Variants in RGS6 observed in about 807,000 individuals in gnomAD.
RGS6 encodes the protein regulator of G-protein signaling 6.
In RGS6, 30 loss-of-function variants were observed where a neutral mutation model predicts 78.5. The observed-to-expected ratio is 0.38, with a 90% CI of 0.29 to 0.52. RGS6 has a LOEUF of 0.52. Among genes scored for constraint, RGS6 ranks in the 20% least tolerant of loss-of-function variants. The pLI is 0.85. For synonymous variants in RGS6, 206 were observed against 206.0 expected (o/e 1.00, Z 0.00); for missense variants, 495 against 609.7 (o/e 0.81, Z 1.98).
rs553344201 is a variant in RGS6 at position 72,482,677 on chromosome 14, A to G, written c.854+4348A>G. 3.9e-5 allele frequency among the ~76,000 whole-genome samples: 6 copies of G among 152,322 alleles called. No homozygotes were observed. In the East Asian group the frequency reaches 1.2e-3, roughly 29 times the overall value. On this transcript the variant is annotated intron_variant, in intron 12 of 17. Transcript: ENST00000553525. ...TTAATATGGTCTCTCACCCTCCAGC[A>G]GACTAGTTTGACCTTTTCCACATGG...
At chr14:72,155,739 A>G (rs1423058454) in intron 2 of RGS6, among the ~76,000 whole-genome samples, 1 of 152,242 alleles carries the variant, frequency 6.6e-6, no homozygotes, top group Non-Finnish European at 1.5e-5. Context: ...ATGCCAAACA[A>G]TTGGCAATTT....
the RGS6 span, among the ~76,000 whole-genome samples, chr14:71,889,555 T>TC: frequency 4.6e-5 from 7 of 152,110 alleles, no homozygotes; most frequent in East Asian, 1.3e-3. Flanking sequence ...TAAGGACACT[T>TC]CACTGAGTGG....
At chr14:72,016,070 T>C (rs2086895608) in intron 2 of RGS6, among the ~76,000 whole-genome samples, 1 of 152,244 alleles carries the variant, frequency 6.6e-6, no homozygotes, top group Admixed American at 6.5e-5. Context: ...ATCATATTTA[T>C]CCATTTCTCC....
intron 13 of RGS6, among the ~76,000 whole-genome samples, chr14:72,503,040 T>G (rs2096749618): frequency 6.6e-6 from 1 of 152,164 alleles, no homozygotes; most frequent in African/African-American, 2.4e-5. Context: ...TTTTCACAGT[T>G]CTGGAGGCTG....
At chr14:72,191,613 G>A (rs2097326952) in intron 2 of RGS6, among the ~76,000 whole-genome samples, 2 of 152,202 alleles carry the variant, frequency 1.3e-5, no homozygotes, top group African/African-American at 4.8e-5. Context: ...CATGATCTGT[G>A]ACTTAGTCAC....
chr14:72,193,914 A>T (rs1433445456), intron 2 of RGS6, among the ~76,000 whole-genome samples: 1 of 152,176 alleles, frequency 6.6e-6, no homozygotes, highest in African/African-American at 2.4e-5. Flanking sequence ...GAGGGAGTTC[A>T]TGCTGCTCAT....
In RGS6 at chr14:72,148,104, C is replaced by T. The variant is rs535388065; in HGVS notation, c.84+183229C>T. On this transcript the variant is annotated intron_variant, in intron 2 of 17. Coordinates refer to ENST00000553525, the MANE Select transcript of RGS6 (RefSeq NM_001204424.2). ...CGAGATTGCACCACTGCACTCCAGCCTGGGTGACAGAGCAAGACTCCATCT... is the reference window on the plus strand; with the variant it reads ...CGAGATTGCACCACTGCACTCCAGCTTGGGTGACAGAGCAAGACTCCATCT... 1.8e-3 allele frequency among the ~76,000 whole-genome samples: 250 copies of T among 139,708 alleles called. 2 individuals are homozygous for T. Among genetic ancestry groups the T allele is most frequent in the Non-Finnish European group, 1.1e-3 (71 of 66,208 alleles). 91.7% of individuals were successfully genotyped at this position (139,708 alleles called of 152,430 possible).
chr14:72,449,526 CA>C (rs1352597323), intron 3 of RGS6, among the ~76,000 whole-genome samples: 1 of 152,180 alleles, frequency 6.6e-6, no homozygotes, highest in Non-Finnish European at 1.5e-5. Flanking sequence ...CACCTGAAGA[CA>C]AAGCCCTGAA....
Position 72,477,058 on chromosome 14 carries a change from A to C in RGS6, c.792+218A>C, listed in dbSNP as rs376449891. On this transcript the variant is annotated intron_variant, in intron 11 of 17. Coordinates refer to ENST00000553525, the MANE Select transcript of RGS6 (RefSeq NM_001204424.2). ...CCCAGTTCCTCCAGCAGTTACTAGA[A>C]AAGGGCGTAAATGAGTCATCCCATG... is the stretch of plus-strand genomic sequence containing the variant. 1,381 of 523,908 alleles carry C rather than the reference A, an allele frequency of 2.6e-3. 33 individuals carry two copies. In the South Asian group the frequency reaches 0.029, roughly 11 times the overall value. 32.5% of individuals were successfully genotyped at this position (523,908 alleles called of 1,614,324 possible).
chr14:72,457,885 A>T lies in RGS6; in HGVS notation c.236-386A>T, dbSNP rs1253072286. On this transcript the variant is annotated intron_variant, in intron 4 of 17. Coordinates refer to ENST00000553525, the MANE Select transcript of RGS6 (RefSeq NM_001204424.2). ...GCTGGGGATGATGAAACTGGTATGA[A>T]TCAGAGCTGCTAGCACTTACGGAGT... is the stretch of plus-strand genomic sequence containing the variant. Among the ~76,000 whole-genome samples, 2 of 152,222 alleles carry T rather than the reference A, an allele frequency of 1.3e-5. 1 individual carries two copies. The highest frequency in any genetic ancestry group is 2.9e-5 in the Non-Finnish European group (2 of 68,034).
At chr14:72,008,582 A>G (rs1296085621) in intron 2 of RGS6, among the ~76,000 whole-genome samples, 1 of 152,116 alleles carries the variant, frequency 6.6e-6, no homozygotes, top group East Asian at 1.9e-4. Context: ...CGCTCTCAAT[A>G]TTAGTTTATT....
At chr14:72,625,822 T>TC in the RGS6 span, among the ~76,000 whole-genome samples, 2 of 152,214 alleles carry the variant, frequency 1.3e-5, no homozygotes, top group Admixed American at 6.5e-5. Flanking sequence ...AATCTAGCCT[T>TC]CCCCCCTTTA....
At chr14:72,599,818 T>C in the RGS6 span, among the ~76,000 whole-genome samples, 1 of 151,950 alleles carries the variant, frequency 6.6e-6, no homozygotes, top group Admixed American at 6.6e-5. Flanking sequence ...ATTTTAGTGG[T>C]AAGCCCTGAG....
At chr14:71,898,314 A>G in the RGS6 span, among the ~76,000 whole-genome samples, 4 of 151,940 alleles carry the variant, frequency 2.6e-5, no homozygotes, top group South Asian at 8.3e-4. Context: ...CACCCCAACC[A>G]CCATCTTACT....
chr14:72,475,824 A>C (rs76992483), intron 10 of RGS6, among the ~76,000 whole-genome samples: 1 of 99,304 alleles, frequency 1.0e-5, no homozygotes, highest in Non-Finnish European at 1.9e-5. Context: ...TTAAAAAAAA[A>C]TACACGCACA....
At chr14:72,610,126 G>A in the RGS6 span, among the ~76,000 whole-genome samples, 1 of 152,228 alleles carries the variant, frequency 6.6e-6, no homozygotes. Flanking sequence ...TGTTGCAGTG[G>A]CTTCCCTCTC....
At chr14:72,105,218 C>T (rs964658072) in intron 2 of RGS6, among the ~76,000 whole-genome samples, 5 of 152,184 alleles carry the variant, frequency 3.3e-5, no homozygotes, top group Non-Finnish European at 7.3e-5. Flanking sequence ...ACTCCTTGAC[C>T]AGTGGGACAG....
intron 3 of RGS6, among the ~76,000 whole-genome samples, chr14:72,386,319 C>G (rs1451248079): frequency 1.3e-5 from 2 of 152,122 alleles, no homozygotes; most frequent in Non-Finnish European, 2.9e-5. Context: ...GGGCAGACTG[C>G]CAGAGCTCAG....
intron 2 of RGS6, among the ~76,000 whole-genome samples, chr14:72,185,570 G>A (rs2097230465): frequency 6.6e-6 from 1 of 152,208 alleles, no homozygotes; most frequent in South Asian, 2.1e-4. Flanking sequence ...GTTAACTAGT[G>A]TAGAGTGTGA....
Sources: gnomAD v4.1 joint callset for allele counts (sites outside exome capture counted in the v4.1 genomes callset) on GRCh38, gnomAD v4.1.1 for gene constraint, MANE v1.5 for transcripts, NCBI Gene and HGNC (gene_info 2026-07-23, HGNC 2026-07-21) for gene names.